SYT16: variants seen among roughly 807,000 people sequenced by gnomAD.
SYT16 encodes the protein synaptotagmin-16.
Under a neutral mutation model 61.4 loss-of-function variants are expected in SYT16, and 42 were observed. The ratio of observed to expected loss-of-function variants is 0.68; its 90% CI spans 0.53 to 0.89. The LOEUF (loss-of-function observed/expected upper bound fraction) is 0.89. SYT16 is among the 40% of genes least tolerant of loss of function. The probability of loss-of-function intolerance (pLI) is 0.00; values close to 1 mark genes in which losing one functional copy is unlikely to be tolerated. For missense variants in SYT16, 804 were observed against 807.3 expected, an observed-to-expected ratio of 1.00 and a Z score of 0.05; for synonymous variants, 314 against 302.3, an observed-to-expected ratio of 1.04 and a Z score of -0.40.
intron 1 of SYT16, among the ~76,000 whole-genome samples, chr14:61,868,360 T>C (rs11846855): frequency 1.7e-4 from 26 of 152,092 alleles, no homozygotes; most frequent in African/African-American, 6.0e-4. Context: ...TTCATCTGCT[T>C]ATTATTACCT....
At chr14:61,935,007 A>G (rs1040978243) in intron 1 of SYT16, among the ~76,000 whole-genome samples, 8 of 152,210 alleles carry the variant, frequency 5.3e-5, no homozygotes, top group African/African-American at 1.9e-4. Flanking sequence ...GCATAAATTT[A>G]AGGTGTGCAA....
At chr14:62,043,323 A>G (rs903802430) in intron 3 of SYT16, among the ~76,000 whole-genome samples, 3 of 151,630 alleles carry the variant, frequency 2.0e-5, no homozygotes, top group Admixed American at 1.3e-4. Context: ...TTTCTGTCTC[A>G]GGTTGAGAAA....
intron 1 of SYT16, among the ~76,000 whole-genome samples, chr14:61,864,451 G>A (rs1050732008): frequency 2.6e-5 from 4 of 152,284 alleles, no homozygotes; most frequent in African/African-American, 9.6e-5. Flanking sequence ...GTCGTGGGCT[G>A]CGGTGGGCTC....
chr14:61,911,174 G>A (rs1339096762), intron 1 of SYT16, among the ~76,000 whole-genome samples: 1 of 152,104 alleles, frequency 6.6e-6, no homozygotes, highest in Non-Finnish European at 1.5e-5. Flanking sequence ...TATTTCCTAG[G>A]ATTCCAACTA....
chr14:62,051,407 C>T (rs1294405489), intron 3 of SYT16, among the ~76,000 whole-genome samples: 1 of 152,222 alleles, frequency 6.6e-6, no homozygotes, highest in Non-Finnish European at 1.5e-5. Context: ...TTCCCTGACC[C>T]CTTGCACTTC....
At chr14:61,995,530 C>T (rs2052728013) in intron 2 of SYT16, among the ~76,000 whole-genome samples, 1 of 152,086 alleles carries the variant, frequency 6.6e-6, no homozygotes, top group Admixed American at 6.6e-5. Flanking sequence ...GATGAAACAT[C>T]TGACCTTTTT....
intron 2 of SYT16, among the ~76,000 whole-genome samples, chr14:61,994,442 A>G (rs2052680613): frequency 6.6e-6 from 1 of 152,176 alleles, no homozygotes; most frequent in Non-Finnish European, 1.5e-5. Context: ...GACACACCAG[A>G]GTTTGAGAAT....
intron 1 of SYT16, among the ~76,000 whole-genome samples, chr14:61,934,306 A>G (rs1225662138): frequency 6.6e-6 from 1 of 152,194 alleles, no homozygotes; most frequent in East Asian, 1.9e-4. Flanking sequence ...AAATGGCTTA[A>G]AAAGTACATG....
At chr14:61,915,221 A>G (rs1311662362) in intron 1 of SYT16, among the ~76,000 whole-genome samples, 2 of 152,190 alleles carry the variant, frequency 1.3e-5, no homozygotes, top group Admixed American at 6.6e-5. Context: ...TTAGATGAAC[A>G]TGGCTTTAGA....
intron 1 of SYT16, among the ~76,000 whole-genome samples, chr14:61,924,276 C>A (rs952786142): frequency 6.6e-6 from 1 of 152,180 alleles, no homozygotes; most frequent in African/African-American, 2.4e-5. Context: ...GTTGGCAGGT[C>A]TCTGAGATTA....
At chr14:61,891,270 A>ACG (rs2140338029) in intron 1 of SYT16, among the ~76,000 whole-genome samples, 1 of 151,688 alleles carries the variant, frequency 6.6e-6, no homozygotes, top group Non-Finnish European at 1.5e-5. Flanking sequence ...ACACACACAC[A>ACG]CAATTTATCC....
chr14:61,832,971 T>C (rs571456778), intron 1 of SYT16, among the ~76,000 whole-genome samples: 94 of 152,342 alleles, frequency 6.2e-4, no homozygotes, highest in African/African-American at 2.0e-3. Context: ...AAGGTGTCAA[T>C]TTTCAGGTCT....
intron 1 of SYT16, among the ~76,000 whole-genome samples, chr14:61,849,282 G>A (rs550957212): frequency 6.6e-6 from 1 of 152,164 alleles, no homozygotes; most frequent in Non-Finnish European, 1.5e-5. Flanking sequence ...TGGAGTTGGG[G>A]GAGGGCTGAC....
intron 3 of SYT16, among the ~76,000 whole-genome samples, chr14:62,035,313 C>A (rs977135274): frequency 1.3e-5 from 2 of 152,168 alleles, no homozygotes; most frequent in East Asian, 1.9e-4. Context: ...AGTATGAATT[C>A]TTTCTATTTG....
At chr14:61,974,145 A>G (rs539406078) in intron 2 of SYT16, among the ~76,000 whole-genome samples, 2 of 152,274 alleles carry the variant, frequency 1.3e-5, no homozygotes, top group African/African-American at 4.8e-5. Flanking sequence ...TCCAGTGAGC[A>G]GGAGAACACT....
At chr14:62,006,786 C>G (rs1264952585) in intron 3 of SYT16, among the ~76,000 whole-genome samples, 2 of 152,116 alleles carry the variant, frequency 1.3e-5, no homozygotes, top group Admixed American at 1.3e-4. Flanking sequence ...ATTTAAAAAT[C>G]ATTGTTTTCA....
chr14:61,827,009 A>G (rs1179561840), intron 1 of SYT16, among the ~76,000 whole-genome samples: 1 of 151,882 alleles, frequency 6.6e-6, no homozygotes, highest in Non-Finnish European at 1.5e-5. Flanking sequence ...TCCCACCCTT[A>G]TGACCTTATT....
chr14:62,036,415 G>A (rs961259999), intron 3 of SYT16, among the ~76,000 whole-genome samples: 3 of 152,052 alleles, frequency 2.0e-5, no homozygotes, highest in Admixed American at 6.6e-5. Context: ...GGAGAGAGAG[G>A]GATGGAGAAG....
At chr14:62,060,684 A>G (rs1276496439) in intron 3 of SYT16, among the ~76,000 whole-genome samples, 1 of 152,002 alleles carries the variant, frequency 6.6e-6, no homozygotes, top group South Asian at 2.1e-4. Flanking sequence ...TGGTCATAAT[A>G]TATAATCCTT....
Sources: gnomAD v4.1 joint callset for allele counts (sites outside exome capture counted in the v4.1 genomes callset) on GRCh38, gnomAD v4.1.1 for gene constraint, MANE v1.5 for transcripts, NCBI Gene and HGNC (gene_info 2026-07-23, HGNC 2026-07-21) for gene names.